ZBTB17: variants seen among roughly 807,000 people sequenced by gnomAD.
The protein encoded by ZBTB17 is zinc finger and BTB domain-containing protein 17.
Under a neutral mutation model 85.1 loss-of-function variants are expected in ZBTB17, and 24 were observed. The observed-to-expected ratio is 0.28, with a 90% CI of 0.20 to 0.40. ZBTB17 has a LOEUF of 0.40. Among genes scored for constraint, ZBTB17 ranks in the 10% least tolerant of loss-of-function variants. The probability of loss-of-function intolerance (pLI) is 1.00; values close to 1 mark genes in which losing one functional copy is unlikely to be tolerated. For synonymous variants in ZBTB17, 464 were observed against 460.2 expected, an observed-to-expected ratio of 1.01 and a Z score of -0.11; for missense variants, 743 against 1,105.1, an observed-to-expected ratio of 0.67 and a Z score of 4.65.
In ZBTB17 at chr1:15,952,457, G is replaced by A. The variant is rs116832446; in HGVS notation, c.-2-3960C>T. On this transcript the variant is annotated intron_variant, in intron 2 of 15. Coordinates refer to ENST00000375743, the MANE Select transcript of ZBTB17 (RefSeq NM_003443.3). This position sits in a 1 kb window ranked among gnomAD's most constrained non-coding sequence, Gnocchi z 4.3. ...AGAACCGACACGGCGGAACGGACGC[G>A]GATGATGCAGAGCCCCTCTCAGGAT... Among the ~76,000 whole-genome samples, 367 of 152,342 alleles carry A rather than the reference G, an allele frequency of 2.4e-3. No homozygotes were observed. Among genetic ancestry groups the A allele is most frequent in the African/African-American group, 8.4e-3 (350 of 41,582 alleles).
In ZBTB17 at chr1:15,952,438, G is replaced by A. The variant is rs1299460557; in HGVS notation, c.-2-3941C>T. On this transcript the variant is annotated intron_variant, in intron 2 of 15. Coordinates refer to ENST00000375743, the MANE Select transcript of ZBTB17 (RefSeq NM_003443.3). This position sits in a 1 kb window ranked among gnomAD's most constrained non-coding sequence, Gnocchi z 4.3. ...ACAGCGGAACAGACGCGGCAGAACC[G>A]ACACGGCGGAACGGACGCGGATGAT... Among the ~76,000 whole-genome samples, 1 of 152,230 alleles carries A rather than the reference G, an allele frequency of 6.6e-6. No homozygotes were observed. The highest frequency in any genetic ancestry group is 2.4e-5 in the African/African-American group (1 of 41,452).
In ZBTB17 at chr1:15,944,773, T is replaced by C. The variant is rs2071521788; in HGVS notation, c.994A>G (p.Lys332Glu). The change falls in exon 8 of 16, where the codon AAG becomes GAG. Residue 332 changes from lysine (K) to glutamate (E), a missense_variant. By Grantham distance (56) the Lys-to-Glu change is moderately conservative. Coordinates refer to ENST00000375743, the MANE Select transcript of ZBTB17 (RefSeq NM_003443.3). ...KRHIRIHTGE[K>E]PFSCRECSKA... Reference sequence around the variant, plus strand: ...CTGCACTCCCGGCACGAGAAGGGCTTCTCCCCCGTGTGGATGCGGATGTGC... The same window carrying C: ...CTGCACTCCCGGCACGAGAAGGGCTCCTCCCCCGTGTGGATGCGGATGTGC... 1 of 1,612,842 alleles carries C rather than the reference T, an allele frequency of 6.2e-7. No homozygotes were observed. Among genetic ancestry groups the C allele is most frequent in the Non-Finnish European group, 8.5e-7 (1 of 1,179,794 alleles).
intron 2 of ZBTB17, among the ~76,000 whole-genome samples, chr1:15,958,415 CAAAAAAAAA>C (rs34593133): frequency 1.2e-5 from 1 of 84,622 alleles, no homozygotes; most frequent in Admixed American, 1.1e-4. Flanking sequence ...CCAATACGAC[CAAAAAAAAA>C]AAAAAAAAAA....
intron 2 of ZBTB17, among the ~76,000 whole-genome samples, chr1:15,958,084 ATC>A (rs1480701928): frequency 2.0e-5 from 3 of 152,240 alleles, no homozygotes; most frequent in Non-Finnish European, 2.9e-5. Flanking sequence ...TCAGGCAAGC[ATC>A]TCTGAGTTTT....
At chr1:15,944,115 C>T (rs1453290235) in intron 9 of ZBTB17, 185 bp downstream of exon 9, 20 of 1,086,418 alleles carry the variant, frequency 1.8e-5, no homozygotes, top group Non-Finnish European at 2.3e-5. Flanking sequence ...GTCGGCCTGC[C>T]CTCCGCAGAG....
chr1:15,950,511 A>G (rs983333149), intron 2 of ZBTB17, among the ~76,000 whole-genome samples: 2 of 152,188 alleles, frequency 1.3e-5, no homozygotes, highest in African/African-American at 4.8e-5. Context: ...GTCACCCCCT[A>G]CATACCCAGG....
chr1:15,949,177 G>C (rs1217122599), intron 2 of ZBTB17, among the ~76,000 whole-genome samples: 1 of 152,114 alleles, frequency 6.6e-6, no homozygotes, highest in African/African-American at 2.4e-5. Context: ...CTTTGATCCT[G>C]ACCCCAAGAG....
At position 15,945,812 on chromosome 1, in the gene ZBTB17, C is replaced by G; in HGVS notation, c.564G>C (p.Ala188=). The G allele has an allele frequency of 3.1e-6, 5 of 1,601,726 alleles. No homozygotes were observed. Among genetic ancestry groups the G allele is most frequent in the Non-Finnish European group, 4.2e-6 (5 of 1,178,346 alleles). The change falls in exon 6 of 16, where the codon GCG becomes GCC. Residue 188 remains alanine (A), a synonymous_variant. Coordinates refer to ENST00000375743, the MANE Select transcript of ZBTB17 (RefSeq NM_003443.3). ...SGAEQTEKAD[A]PREPPPVELK... is the part of the protein sequence containing the mutation. ...GCTCCACAGGCGGCGGCTCCCGGGG[C>G]GCATCGGCTTTCTCTGTCTGCTCTG...
chr1:15,943,323 CCAAGCCCCCAGT>C, intron 12 of ZBTB17, 64 bp downstream of exon 12: 2 of 1,584,008 alleles, frequency 1.3e-6, no homozygotes, highest in South Asian at 2.3e-5. Flanking sequence ...CAGTCCCCAG[CCAAGCCCCCAGT>C]TTGTCTTCTG....
At chr1:15,962,804 G>A (rs972052503) in intron 2 of ZBTB17, among the ~76,000 whole-genome samples, 3 of 152,128 alleles carry the variant, frequency 2.0e-5, no homozygotes, top group Admixed American at 2.0e-4. Context: ...GGTTGGCTAC[G>A]GTGGCACATG....
rs1339818219 is a variant in ZBTB17 at position 15,966,843 on chromosome 1, G to A, written c.-3+6196C>T. On this transcript the variant is annotated intron_variant, in intron 2 of 15. Coordinates refer to ENST00000375743, the MANE Select transcript of ZBTB17 (RefSeq NM_003443.3). The surrounding 1 kb of genome is among the most constrained non-coding windows in gnomAD (Gnocchi z 4.1). Reference sequence around the variant, plus strand: ...GGATCGCTTGAGCCCTGGAGGTCGAGGCTGCAGTGAGCTATAATCCCAGCA... The same window carrying A: ...GGATCGCTTGAGCCCTGGAGGTCGAAGCTGCAGTGAGCTATAATCCCAGCA... Among the ~76,000 whole-genome samples, 2 of 151,890 alleles carry A rather than the reference G, an allele frequency of 1.3e-5. No homozygotes were observed. Among genetic ancestry groups the A allele is most frequent in the African/African-American group, 4.8e-5 (2 of 41,306 alleles).
In ZBTB17 at chr1:15,951,909, C is replaced by T. The variant is rs150483437; in HGVS notation, c.-2-3412G>A. Among the ~76,000 whole-genome samples the T allele has an allele frequency of 2.0e-5, 3 of 152,208 alleles. No individual in the cohort carries two copies. In the East Asian group the frequency reaches 5.8e-4, roughly 29 times the overall value. On this transcript the variant is annotated intron_variant, in intron 2 of 15. Coordinates refer to ENST00000375743, the MANE Select transcript of ZBTB17 (RefSeq NM_003443.3). The surrounding 1 kb of genome is among the most constrained non-coding windows in gnomAD (Gnocchi z 4.1). Reference sequence around the variant, plus strand: ...ATCAGATCAACAGCCAGCTGCTCCCCATCGCCCCCAGATGTGCGGGAACAC... The same window carrying T: ...ATCAGATCAACAGCCAGCTGCTCCCTATCGCCCCCAGATGTGCGGGAACAC...
chr1:15,963,703 G>A (rs1351115143), intron 2 of ZBTB17, among the ~76,000 whole-genome samples: 4 of 152,160 alleles, frequency 2.6e-5, no homozygotes, highest in Non-Finnish European at 5.9e-5. Context: ...GCAGATGAAA[G>A]TGATCCCAGA....
intron 2 of ZBTB17, among the ~76,000 whole-genome samples, chr1:15,950,182 AC>A (rs1462670785): frequency 6.6e-6 from 1 of 152,270 alleles, no homozygotes; most frequent in Non-Finnish European, 1.5e-5. Context: ...GCACACGGCC[AC>A]CTGGAGCAAA....
chr1:15,948,626 C>A lies in ZBTB17; in HGVS notation c.-2-129G>T, dbSNP rs549380216. 9.0e-6 allele frequency: 9 copies of A among 997,032 alleles called. No homozygotes were observed. The South Asian group carries it at 1.5e-4, about 17-fold the overall frequency. The allele number at this position is 997,032 out of a possible 1,614,324, so 61.8% of individuals were successfully genotyped here. A position where few individuals can be genotyped will look rare whatever the true frequency, so the allele number is the denominator to read the frequency against. On this transcript the variant is annotated intron_variant, in intron 2 of 15. Transcript: ENST00000375743. ...ATTAAAACAAGTGAGGGCATTTCTG[C>A]CACAAAAGGGCAGTTCAGTCCAGAT...
intron 2 of ZBTB17, among the ~76,000 whole-genome samples, chr1:15,960,428 A>G (rs1288010199): frequency 6.6e-6 from 1 of 152,208 alleles, no homozygotes; most frequent in Non-Finnish European, 1.5e-5. Context: ...GAAAAAAACT[A>G]TATAGAAAGA....
intron 2 of ZBTB17, among the ~76,000 whole-genome samples, chr1:15,969,110 TTAGA>T (rs2072548131): frequency 6.6e-6 from 1 of 152,166 alleles, no homozygotes; most frequent in Admixed American, 6.6e-5. Flanking sequence ...AGCAGCAGCA[TTAGA>T]TACTCACAGG....
intron 2 of ZBTB17, chr1:15,969,990 A>T (rs2072586590): frequency 1.2e-6 from 1 of 849,960 alleles, no homozygotes; most frequent in African/African-American, 1.7e-5. Context: ...GAAGCTACAA[A>T]ATATGTTCGA....
chr1:15,972,346 G>A (rs935971832), intron 2 of ZBTB17, among the ~76,000 whole-genome samples: 1 of 152,164 alleles, frequency 6.6e-6, no homozygotes, highest in Non-Finnish European at 1.5e-5. Flanking sequence ...GGACTCAGTG[G>A]ACCTCCCCTC....
Sources: allele counts gnomAD v4.1 joint callset (sites outside exome capture counted in the v4.1 genomes callset), GRCh38; gene constraint gnomAD v4.1.1; non-coding constraint Gnocchi (gnomAD v3.1); transcripts MANE v1.5; gene names NCBI Gene and HGNC (gene_info 2026-07-23, HGNC 2026-07-21).